CCDC141: variants seen among roughly 807,000 people sequenced by gnomAD.
The protein encoded by CCDC141 is coiled-coil domain-containing protein 141.
Under a neutral mutation model 181.0 loss-of-function variants are expected in CCDC141, and 168 were observed. That is an observed-to-expected ratio of 0.93 (90% CI 0.82 to 1.05). The LOEUF (loss-of-function observed/expected upper bound fraction) is 1.05. Ranked by LOEUF, CCDC141 falls within the 50% of genes least tolerant of loss-of-function variation. The probability of loss-of-function intolerance (pLI) is 0.00; values close to 1 mark genes in which losing one functional copy is unlikely to be tolerated. For missense variants in CCDC141, 1,902 were observed against 1,788.5 expected (o/e 1.06, Z -1.14); for synonymous variants, 666 against 642.3 (o/e 1.04, Z -0.56).
At chr2:179,013,826 C>T (rs188432488) in intron 2 of CCDC141, among the ~76,000 whole-genome samples, 275 of 151,646 alleles carry the variant, frequency 1.8e-3, no homozygotes, top group Admixed American at 3.8e-3. Context: ...GGTGTGGTGG[C>T]GGGCACTTGT....
intron 17 of CCDC141, among the ~76,000 whole-genome samples, chr2:178,863,712 G>A (rs1558937095): frequency 1.3e-5 from 2 of 152,266 alleles, no homozygotes; most frequent in African/African-American, 4.8e-5. Flanking sequence ...AAAAGGAGAA[G>A]TGACAAAGAC....
chr2:178,869,349 T>G, intron 14 of CCDC141, 44 bp from the exon 15 acceptor site: 1 of 1,417,894 alleles, frequency 7.1e-7, no homozygotes, highest in Non-Finnish European at 9.6e-7. Flanking sequence ...ATTAAAGAAC[T>G]TTTTTACTTT....
chr2:179,046,861 A>G (rs1158844855), intron 2 of CCDC141, among the ~76,000 whole-genome samples: 1 of 152,230 alleles, frequency 6.6e-6, no homozygotes, highest in African/African-American at 2.4e-5. Context: ...AATACTAAGC[A>G]CAGAATCAGA....
At chr2:179,041,082 T>C (rs1487060096) in intron 2 of CCDC141, among the ~76,000 whole-genome samples, 1 of 152,088 alleles carries the variant, frequency 6.6e-6, no homozygotes. Flanking sequence ...TTTGTTTGTT[T>C]GTTTGTTGAG....
At chr2:178,869,393 C>G in intron 14 of CCDC141, 88 bp from the exon 15 acceptor site, 3 of 904,700 alleles carry the variant, frequency 3.3e-6, no homozygotes, top group Non-Finnish European at 4.8e-6. Context: ...AACAATGAAT[C>G]ACTCTTTCAT....
chr2:178,848,344 C>G (rs1685026121), intron 21 of CCDC141, among the ~76,000 whole-genome samples: 1 of 152,144 alleles, frequency 6.6e-6, no homozygotes, highest in Non-Finnish European at 1.5e-5. Flanking sequence ...TGGAACTTGA[C>G]TTGGTAAGGA....
downstream of CCDC141, among the ~76,000 whole-genome samples, chr2:178,825,911 T>C (rs1435285688): frequency 1.3e-5 from 2 of 152,194 alleles, no homozygotes; most frequent in Non-Finnish European, 2.9e-5. Flanking sequence ...TAGAAAGTCA[T>C]GATATCTGTA....
In CCDC141 at chr2:178,855,208, C is replaced by T. The variant is rs933147036; in HGVS notation, c.3060+139G>A. 1.8e-5 allele frequency: 12 copies of T among 676,310 alleles called. No homozygotes were observed. The East Asian group carries it at 3.7e-4, about 21-fold the overall frequency. 41.9% of individuals were successfully genotyped at this position (676,310 alleles called of 1,614,324 possible). A position where few individuals can be genotyped will look rare whatever the true frequency, so the allele number is the denominator to read the frequency against. ...AGCAATTCTATTTCAGAGAATTATC[C>T]TAAGGAAAAAAAATCATGAAAAGGA... On this transcript the variant is annotated intron_variant, in intron 19 of 23. Transcript: ENST00000443758.
downstream of CCDC141, among the ~76,000 whole-genome samples, chr2:178,827,268 T>C (rs1323601812): frequency 6.6e-6 from 1 of 152,188 alleles, no homozygotes; most frequent in African/African-American, 2.4e-5. Context: ...TGGCCAAGAA[T>C]GTGGTCTATC....
In CCDC141 at chr2:179,047,377, A is replaced by T. The variant is rs1189312645; in HGVS notation, c.132T>A (p.Ala44=). 1 of 1,533,996 alleles carries T rather than the reference A, an allele frequency of 6.5e-7. No individual in the cohort carries two copies. The highest frequency in any genetic ancestry group is 1.4e-5 in the African/African-American group (1 of 72,286). The change falls in exon 2 of 24, where the codon GCT becomes GCA. Residue 44 remains alanine, a synonymous_variant. Transcript: ENST00000443758. ...KCGKWVQLQL[A]ESQPNLLEIG... Reference sequence around the variant, plus strand: ...TTTCTAGAAGATTGGGCTGTGATTCAGCCAGTTGAAGTTGTACCCATTTGC... The same window carrying T: ...TTTCTAGAAGATTGGGCTGTGATTCTGCCAGTTGAAGTTGTACCCATTTGC...
intron 6 of CCDC141, among the ~76,000 whole-genome samples, chr2:178,928,212 G>A (rs1688979125): frequency 6.6e-6 from 1 of 152,194 alleles, no homozygotes; most frequent in African/African-American, 2.4e-5. Context: ...AGGCAGGGAG[G>A]TTGTGATGAG....
chr2:178,936,775 C>T (rs137954675), intron 6 of CCDC141, among the ~76,000 whole-genome samples: 138 of 152,116 alleles, frequency 9.1e-4, no homozygotes, highest in African/African-American at 3.2e-3. Context: ...ATTCTTTGGG[C>T]AGTGTTCCCT....
chr2:178,866,024 G>T (rs985759303), intron 16 of CCDC141, 108 bp from the exon 17 acceptor site: 2 of 865,104 alleles, frequency 2.3e-6, no homozygotes, highest in African/African-American at 3.5e-5. Flanking sequence ...TTTAAAAAAA[G>T]AAATAGGTTC....
At chr2:179,009,082 G>A (rs138580030) in intron 2 of CCDC141, among the ~76,000 whole-genome samples, 2 of 152,158 alleles carry the variant, frequency 1.3e-5, no homozygotes, top group Non-Finnish European at 2.9e-5. Context: ...TGTGCATGGG[G>A]TTGGTCCTGG....
intron 8 of CCDC141, among the ~76,000 whole-genome samples, chr2:178,890,875 G>A (rs1229272567): frequency 1.3e-5 from 2 of 151,388 alleles, no homozygotes; most frequent in Non-Finnish European, 2.9e-5. Context: ...ATACATTCTC[G>A]CAACAGACAT....
At chr2:178,839,809 C>T (rs1296213680) in intron 22 of CCDC141, among the ~76,000 whole-genome samples, 3 of 152,054 alleles carry the variant, frequency 2.0e-5, no homozygotes, top group Non-Finnish European at 4.4e-5. Flanking sequence ...TTACTAATTG[C>T]CCCTCCCTCT....
intron 3 of CCDC141, among the ~76,000 whole-genome samples, chr2:178,977,812 A>C (rs528987257): frequency 4.9e-4 from 75 of 152,294 alleles, no homozygotes; most frequent in Middle Eastern, 6.8e-3. Flanking sequence ...ACTGTCTTAT[A>C]CCAAATATAA....
At chr2:178,883,247 G>A (rs1027402037) in intron 11 of CCDC141, among the ~76,000 whole-genome samples, 4 of 152,154 alleles carry the variant, frequency 2.6e-5, no homozygotes, top group African/African-American at 9.7e-5. Context: ...GTTGGGAATA[G>A]TTTGGAACTT....
At chr2:178,862,819 A>T (rs911594788) in intron 17 of CCDC141, among the ~76,000 whole-genome samples, 32 of 152,246 alleles carry the variant, frequency 2.1e-4, no homozygotes, top group Non-Finnish European at 4.4e-4. Flanking sequence ...ATTTTTAAAA[A>T]TTACATTTAG....
Sources: allele counts gnomAD v4.1 joint callset (sites outside exome capture counted in the v4.1 genomes callset), GRCh38; gene constraint gnomAD v4.1.1; transcripts MANE v1.5; gene names NCBI Gene and HGNC (gene_info 2026-07-23, HGNC 2026-07-21).